ALOXE3: variants seen among roughly 807,000 people sequenced by gnomAD.
ALOXE3 encodes the protein arachidonate epidermal lipoxygenase 3.
ALOXE3 carries 78 observed loss-of-function variants against 87.5 expected under a neutral mutation model. That is an observed-to-expected ratio of 0.89 (90% confidence interval 0.74 to 1.08). The LOEUF (loss-of-function observed/expected upper bound fraction) is 1.08, where lower values mean the gene tolerates loss of function less well. Ranked by LOEUF, ALOXE3 falls within the 50% of genes least tolerant of loss-of-function variation. The pLI is 0.00. For missense variants in ALOXE3, 946 were observed against 912.4 expected, an observed-to-expected ratio of 1.04 and a Z score of -0.47; for synonymous variants, 363 against 370.8, an observed-to-expected ratio of 0.98 and a Z score of 0.24.
Position 8,110,224 on chromosome 17 carries a change from G to A in ALOXE3, c.1173C>T (p.Ala391=). 1 of 1,614,106 alleles carries A rather than the reference G, an allele frequency of 6.2e-7. No homozygotes were observed. The highest frequency in any genetic ancestry group is 1.1e-5 in the South Asian group (1 of 91,086). ...PTDSEWDWLL[A]KTWVRNSEFL... ...ACTCAGAGTTGCGCACCCACGTCTT[G>A]GCCAGCAGCCAGTCCCATTCGGAGT... Residue 391 remains alanine, a synonymous_variant, in exon 10 of 16, where the codon GCC becomes GCT. Transcript: ENST00000448843.
At position 8,112,270 on chromosome 17, in the gene ALOXE3, C is replaced by T. The variant is rs916120744; in HGVS notation, c.681-74G>A. ...CTGGGAATCACTGTGTGCCCCTCTGCCTGGAGGAACTGACGGGGTCCATCC... is the reference window on the plus strand; with the variant it reads ...CTGGGAATCACTGTGTGCCCCTCTGTCTGGAGGAACTGACGGGGTCCATCC... On this transcript the variant is annotated intron_variant, in intron 6 of 15. Coordinates refer to ENST00000448843, the MANE Select transcript of ALOXE3 (RefSeq NM_021628.3). 4.5e-6 allele frequency: 5 copies of T among 1,110,144 alleles called. No individual in the cohort carries two copies. The East Asian group carries it at 9.4e-5, about 21-fold the overall frequency. The allele number at this position is 1,110,144 out of a possible 1,614,324, so 68.8% of individuals were successfully genotyped here. A position where few individuals can be genotyped will look rare whatever the true frequency, so the allele number is the denominator to read the frequency against.
chr17:8,100,175 TGTAA>T (rs1161226238), intron 15 of ALOXE3, among the ~76,000 whole-genome samples: 2 of 152,048 alleles, frequency 1.3e-5, no homozygotes, highest in East Asian at 1.9e-4. Flanking sequence ...AAAATAGTGC[TGTAA>T]GTGACAGTCT....
chr17:8,104,418 A>G (rs1376738434), intron 13 of ALOXE3, among the ~76,000 whole-genome samples: 1 of 152,088 alleles, frequency 6.6e-6, no homozygotes, highest in Non-Finnish European at 1.5e-5. Context: ...GGGGGCTGGG[A>G]TCTGGCCAGA....
intron 6 of ALOXE3, among the ~76,000 whole-genome samples, chr17:8,113,863 C>A (rs1277192210): frequency 6.6e-6 from 1 of 151,722 alleles, no homozygotes; most frequent in Non-Finnish European, 1.5e-5. Context: ...CCCATCTCTA[C>A]TAAAAATACA....
intron 2 of ALOXE3, 51 bp downstream of exon 2, chr17:8,117,793 T>C: frequency 1.3e-6 from 2 of 1,589,304 alleles, no homozygotes; most frequent in Non-Finnish European, 1.7e-6. Flanking sequence ...TCCTCCCGCC[T>C]GCGGCCCCTG....
intron 13 of ALOXE3, among the ~76,000 whole-genome samples, chr17:8,106,211 A>G (rs1979299572): frequency 6.6e-6 from 1 of 151,848 alleles, no homozygotes; most frequent in Non-Finnish European, 1.5e-5. Context: ...AACTGGATTT[A>G]GGAAGACAGA....
At chr17:8,101,895 C>T (rs1978945438) in intron 15 of ALOXE3, among the ~76,000 whole-genome samples, 3 of 152,204 alleles carry the variant, frequency 2.0e-5, no homozygotes, top group South Asian at 2.1e-4. Flanking sequence ...CGGCCTCAGC[C>T]TCCCAAAGTG....
In ALOXE3 at chr17:8,114,484, G is replaced by A. The variant is rs199981318; in HGVS notation, c.680C>T (p.Ala227Val). ...TISLLFNAIP[A>V]SLGMKLRGLL... is the part of the protein sequence containing the mutation. ...TTCATTAGAGGGACAATGGCCTTAC[G>A]CAGGGATGGCATTGAAGAGCAGCGA... The change falls in exon 6 of 16, where the codon GCG becomes GTG. Residue 227 changes from alanine (A) to valine (V), a missense_variant and splice_region_variant. Ala to Val is a moderately conservative substitution (Grantham distance 64). Transcript: ENST00000448843. 336 of 1,613,878 alleles carry A rather than the reference G, an allele frequency of 2.1e-4. No individual in the cohort carries two copies. Among genetic ancestry groups the A allele is most frequent in the South Asian group, 1.1e-3 (96 of 91,056 alleles).
At chr17:8,117,063 T>G in intron 2 of ALOXE3, 83 bp from the exon 3 acceptor site, 2 of 1,281,064 alleles carry the variant, frequency 1.6e-6, no homozygotes, top group South Asian at 2.5e-5. Flanking sequence ...CATCTACACC[T>G]AAGCCTATTC....
At chr17:8,112,243 T>A (rs773493180) in intron 6 of ALOXE3, 47 bp from the exon 7 acceptor site, 4 of 1,449,574 alleles carry the variant, frequency 2.8e-6, no homozygotes, top group Non-Finnish European at 3.9e-6. Flanking sequence ...GGCTAGAGTC[T>A]GCTGGGAATC....
chr17:8,115,616 T>G lies in ALOXE3; in HGVS notation c.425A>C (p.Glu142Ala). 6.2e-7 allele frequency: 1 copy of G among 1,613,590 alleles called. No individual in the cohort carries two copies. Among genetic ancestry groups the G allele is most frequent in the South Asian group, 1.1e-5 (1 of 91,046 alleles). Residue 142 changes from glutamate to alanine, a missense_variant, in exon 4 of 16, where the codon GAA becomes GCA. By Grantham distance (107) the Glu-to-Ala change is moderately radical. Coordinates refer to ENST00000448843, the MANE Select transcript of ALOXE3 (RefSeq NM_021628.3). ...HRTRELRARQ[E>A]CYRWKIYAPG... Reference sequence around the variant, plus strand: ...ATTAGGCCACCCTCACCGGTAGCATTCTTGTCGGGCCCGGAGCTCCCGTGT... The same window carrying G: ...ATTAGGCCACCCTCACCGGTAGCATGCTTGTCGGGCCCGGAGCTCCCGTGT...
intron 13 of ALOXE3, among the ~76,000 whole-genome samples, chr17:8,104,600 G>T (rs1979154114): frequency 6.6e-6 from 1 of 152,220 alleles, no homozygotes; most frequent in African/African-American, 2.4e-5. Context: ...ACCATCCTCT[G>T]CTGGGCTTAG....
chr17:8,118,689 G>C (rs781672720), upstream of ALOXE3: 6 of 1,537,280 alleles, frequency 3.9e-6, no homozygotes, highest in Non-Finnish European at 1.7e-6. Flanking sequence ...CCTTTGGCAC[G>C]CCCGACCTCA....
rs1979561355 is a variant in ALOXE3, at chr17:8,107,938, AAAG to A, written c.1684+527_1684+529del. Among the ~76,000 whole-genome samples the A allele has an allele frequency of 1.6e-3, 8 of 5,056 alleles. 2 individuals carry two copies. The highest frequency in any genetic ancestry group is 3.4e-3 in the Admixed American group (2 of 592). 3.3% of individuals were successfully genotyped at this position (5,056 alleles called of 152,430 possible). On this transcript the variant is annotated intron_variant, in intron 13 of 15. Transcript: ENST00000448843. ...GAAAGAAAGAAAGAAAGAAAGAAAG[AAAG>A]AAAGAAAGAAAGAAAGAAAGGAAGG...
In ALOXE3 at chr17:8,096,440, G is replaced by C; in HGVS notation, c.*187C>G. The stretch of plus-strand genomic sequence containing the variant: ...TTTTAACCTGGACGCTGCTGTGCTG[G>C]TCTCTCACAGCTCAGGGCCCAGTTT... On this transcript the variant is annotated 3_prime_UTR_variant, in exon 16 of 16. Transcript: ENST00000448843. 1 of 624,822 alleles carries C rather than the reference G, an allele frequency of 1.6e-6. No individual in the cohort carries two copies. The highest frequency in any genetic ancestry group is 2.9e-6 in the Non-Finnish European group (1 of 345,562). The allele number at this position is 624,822 out of a possible 1,614,324, so 38.7% of individuals were successfully genotyped here. A position where few individuals can be genotyped will look rare whatever the true frequency, so the allele number is the denominator to read the frequency against.
At position 8,096,802 on chromosome 17, in the gene ALOXE3, G is replaced by A; in HGVS notation, c.1961C>T (p.Pro654Leu). Residue 654 changes from proline (P) to leucine (L), a missense_variant, in exon 16 of 16, where the codon CCC becomes CTC. By Grantham distance (98) the Pro-to-Leu change is moderately conservative. Transcript: ENST00000448843. ...LVSQEPKDQR[P>L]LGTYPDEHFT... is the part of the protein sequence containing the mutation. ...GTGCTCATCTGGGTAGGTGCCCAGG[G>A]GCCTCTGGGAGGACATCAGGTAAGA... 6.2e-7 allele frequency: 1 copy of A among 1,614,102 alleles called. No homozygotes were observed. Among genetic ancestry groups the A allele is most frequent in the Non-Finnish European group, 8.5e-7 (1 of 1,180,008 alleles).
chr17:8,112,369 A>G (rs1325521334), intron 6 of ALOXE3, among the ~76,000 whole-genome samples, 173 bp from the exon 7 acceptor site: 1 of 152,202 alleles, frequency 6.6e-6, no homozygotes, highest in African/African-American at 2.4e-5. Flanking sequence ...TGGCCTCGGA[A>G]GACCCTGGTT....
chr17:8,107,723 C>T (rs1477412516), intron 13 of ALOXE3, among the ~76,000 whole-genome samples: 2 of 149,924 alleles, frequency 1.3e-5, no homozygotes, highest in East Asian at 2.0e-4. Context: ...GGCGTGAACC[C>T]GGGAGGCGGA....
Position 8,111,517 on chromosome 17 carries a change from G to A in ALOXE3, c.799C>T (p.His267Tyr), listed in dbSNP as rs747460667. ...KTFTTKYVTE[H>Y]WCEDHFFGYQ... Reference sequence around the variant, plus strand: ...CCAAAGAAGTGATCTTCACACCAGTGCTCTGTGACATACTCTGGGATACAA... The same window carrying A: ...CCAAAGAAGTGATCTTCACACCAGTACTCTGTGACATACTCTGGGATACAA... Residue 267 changes from histidine (H) to tyrosine (Y), a missense_variant, in exon 8 of 16, where the codon CAC becomes TAC. Physicochemically the swap from His to Tyr is moderately conservative, Grantham distance 83 (BLOSUM62 2). Coordinates refer to ENST00000448843, the MANE Select transcript of ALOXE3 (RefSeq NM_021628.3). 1.2e-6 allele frequency: 2 copies of A among 1,614,216 alleles called. No individual in the cohort carries two copies. Among genetic ancestry groups the A allele is most frequent in the East Asian group, 2.2e-5 (1 of 44,890 alleles).
Sources: gnomAD v4.1 joint callset for allele counts (sites outside exome capture counted in the v4.1 genomes callset) on GRCh38, gnomAD v4.1.1 for gene constraint, MANE v1.5 for transcripts, NCBI Gene and HGNC (gene_info 2026-07-23, HGNC 2026-07-21) for gene names.